XYLB: variants seen among roughly 807,000 people sequenced by gnomAD.
The protein encoded by XYLB is xylulose kinase.
A neutral mutation model predicts 78.7 loss-of-function variants in XYLB; 62 were observed. That is an observed-to-expected ratio of 0.79 (90% CI 0.64 to 0.97). The LOEUF (loss-of-function observed/expected upper bound fraction) is 0.97. Among genes scored for constraint, XYLB ranks in the 50% least tolerant of loss-of-function variants. The probability of loss-of-function intolerance (pLI) is 0.00; values close to 1 mark genes in which losing one functional copy is unlikely to be tolerated. For missense variants in XYLB, 687 were observed against 676.8 expected, an observed-to-expected ratio of 1.02 and a Z score of -0.17; for synonymous variants, 245 against 247.4, an observed-to-expected ratio of 0.99 and a Z score of 0.09.
chr3:38,379,681 G>C (rs1707053284), intron 15 of XYLB, among the ~76,000 whole-genome samples: 1 of 152,188 alleles, frequency 6.6e-6, no homozygotes, highest in Non-Finnish European at 1.5e-5. Flanking sequence ...CAAAGACATA[G>C]GCAGTGCAAG....
chr3:38,451,215 G>C, the XYLB span: 1 of 152,206 alleles, frequency 6.6e-6, no homozygotes, highest in African/African-American at 2.4e-5. Flanking sequence ...CCAGCATCTA[G>C]TGCAGTGATC....
the XYLB span, among the ~76,000 whole-genome samples, chr3:38,432,127 G>T: frequency 7.4e-6 from 1 of 134,688 alleles, no homozygotes; most frequent in East Asian, 2.2e-4. Flanking sequence ...CCAAATCTCT[G>T]TCCTCACATT....
In XYLB at chr3:38,384,762, T is replaced by C. The variant is rs572692839; in HGVS notation, c.1291+5420T>C. On this transcript the variant is annotated intron_variant, in intron 15 of 18. Transcript: ENST00000207870. ...ATTGAATCATACGGAATTGCCAATATTGAAGAAGTTTTGATTTACAAAAAT... is the reference window on the plus strand; with the variant it reads ...ATTGAATCATACGGAATTGCCAATACTGAAGAAGTTTTGATTTACAAAAAT... Among the ~76,000 whole-genome samples the C allele has an allele frequency of 2.6e-5, 4 of 152,300 alleles. No individual in the cohort carries two copies. The South Asian group carries it at 8.3e-4, about 32-fold the overall frequency.
At chr3:38,428,095 G>T in the XYLB span, among the ~76,000 whole-genome samples, 2 of 152,046 alleles carry the variant, frequency 1.3e-5, no homozygotes, top group Admixed American at 1.3e-4. Context: ...TTAATTCTTA[G>T]GTTAATTCCC....
chr3:38,431,616 C>A, the XYLB span, among the ~76,000 whole-genome samples: 1 of 152,184 alleles, frequency 6.6e-6, no homozygotes, highest in Non-Finnish European at 1.5e-5. Flanking sequence ...AGAGGGCATC[C>A]CTGTCTTGTG....
rs540953506 is a variant in XYLB, at chr3:38,360,961, G to A, written c.210+553G>A. 2.5e-3 allele frequency among the ~76,000 whole-genome samples: 386 copies of A among 152,304 alleles called. 2 individuals are homozygous for A. Among genetic ancestry groups the A allele is most frequent in the African/African-American group, 8.7e-3 (361 of 41,548 alleles). ...GAGGTAGGAGAATCACTTGAACTTGGGAGGTGGAGGTTGCAGTGAGCTGAG... is the reference window on the plus strand; with the variant it reads ...GAGGTAGGAGAATCACTTGAACTTGAGAGGTGGAGGTTGCAGTGAGCTGAG... On this transcript the variant is annotated intron_variant, in intron 3 of 18. Coordinates refer to ENST00000207870, the MANE Select transcript of XYLB (RefSeq NM_005108.4).
At chr3:38,376,883 T>G (rs906803824) in intron 13 of XYLB, 35 bp from the exon 14 acceptor site, 3 of 1,582,204 alleles carry the variant, frequency 1.9e-6, no homozygotes, top group Non-Finnish European at 2.6e-6. Context: ...GTTTTTTGAC[T>G]AATGACGGCT....
At chr3:38,404,708 C>A (rs1708242834) in intron 18 of XYLB, among the ~76,000 whole-genome samples, 1 of 152,152 alleles carries the variant, frequency 6.6e-6, no homozygotes, top group Non-Finnish European at 1.5e-5. Context: ...CACCTGTAGT[C>A]CCAGCTACTT....
At chr3:38,437,642 TAAATC>T in the XYLB span, among the ~76,000 whole-genome samples, 2 of 152,114 alleles carry the variant, frequency 1.3e-5, no homozygotes, top group Non-Finnish European at 2.9e-5. Flanking sequence ...AGCTGAGAAA[TAAATC>T]AAGAAGGCAA....
the XYLB span, among the ~76,000 whole-genome samples, chr3:38,434,781 C>T: frequency 6.6e-6 from 1 of 152,164 alleles, no homozygotes; most frequent in East Asian, 1.9e-4. Flanking sequence ...GGAACAAAGC[C>T]TCATATATCA....
intron 18 of XYLB, among the ~76,000 whole-genome samples, chr3:38,410,530 A>G (rs1708531421): frequency 6.6e-6 from 1 of 152,218 alleles, no homozygotes; most frequent in Non-Finnish European, 1.5e-5. Flanking sequence ...CAAAATTGAC[A>G]AATGGGATCT....
At chr3:38,428,031 G>C in the XYLB span, among the ~76,000 whole-genome samples, 1 of 152,116 alleles carries the variant, frequency 6.6e-6, no homozygotes, top group Non-Finnish European at 1.5e-5. Flanking sequence ...CATATGTTCT[G>C]TTTCCATTGT....
At chr3:38,346,979 G>A in intron 1 of XYLB, 54 bp downstream of exon 1, 2 of 1,379,928 alleles carry the variant, frequency 1.4e-6, no homozygotes, top group Non-Finnish European at 9.4e-7. Flanking sequence ...TTCGGTGGGG[G>A]TAGGGGGCGG....
rs548520430 is a variant in XYLB, at chr3:38,413,065, G to C, written c.*52G>C. 3 of 1,529,412 alleles carry C rather than the reference G, an allele frequency of 2.0e-6. No individual in the cohort carries two copies. The highest frequency in any genetic ancestry group is 1.4e-5 in the African/African-American group (1 of 70,432). The allele number at this position is 1,529,412 out of a possible 1,614,324, so 94.7% of individuals were successfully genotyped here. On this transcript the variant is annotated 3_prime_UTR_variant, in exon 19 of 19. Coordinates refer to ENST00000207870, the MANE Select transcript of XYLB (RefSeq NM_005108.4). Reference sequence around the variant, plus strand: ...CCCAGATTTACTGACCCCATTTGTCGACATGGCCCCAGACAGGAGGGATCC... The same window carrying C: ...CCCAGATTTACTGACCCCATTTGTCCACATGGCCCCAGACAGGAGGGATCC...
chr3:38,365,395 C>A, intron 5 of XYLB, 110 bp downstream of exon 5: 1 of 1,374,866 alleles, frequency 7.3e-7, no homozygotes, highest in Non-Finnish European at 1.0e-6. Context: ...CGCGCCCTCA[C>A]CAGAAGAGCT....
chr3:38,431,957 A>T, the XYLB span, among the ~76,000 whole-genome samples: 9 of 152,314 alleles, frequency 5.9e-5, no homozygotes, highest in East Asian at 1.2e-3. Context: ...TCAAGATTGA[A>T]AAAAAAGATA....
downstream of XYLB, among the ~76,000 whole-genome samples, chr3:38,417,910 G>A (rs1708850536): frequency 6.7e-6 from 1 of 149,664 alleles, no homozygotes; most frequent in Admixed American, 6.7e-5. Flanking sequence ...ATATATATCA[G>A]GCCGGGCGTG....
At chr3:38,361,869 G>A (rs1325305194) in intron 3 of XYLB, among the ~76,000 whole-genome samples, 6 of 152,358 alleles carry the variant, frequency 3.9e-5, no homozygotes, top group Non-Finnish European at 8.8e-5. Flanking sequence ...GGTGGAGTCA[G>A]GCAAAAGTGA....
rs138275586 is a variant in XYLB, at chr3:38,360,919, C to G, written c.210+511C>G. Among the ~76,000 whole-genome samples, 13 of 152,268 alleles carry G rather than the reference C, an allele frequency of 8.5e-5. No homozygotes were observed. The East Asian group carries it at 2.5e-3, about 29-fold the overall frequency. On this transcript the variant is annotated intron_variant, in intron 3 of 18. Transcript: ENST00000207870. The stretch of plus-strand genomic sequence containing the variant: ...GCGTGGTGGCCCATGCTTGTAATCC[C>G]AGCTACTCAGGAGGCTGAGGTAGGA...
Sources: allele counts gnomAD v4.1 joint callset (sites outside exome capture counted in the v4.1 genomes callset), GRCh38; gene constraint gnomAD v4.1.1; transcripts MANE v1.5; gene names NCBI Gene and HGNC (gene_info 2026-07-23, HGNC 2026-07-21).